ACBD3: variants seen among roughly 807,000 people sequenced by gnomAD.
ACBD3 encodes Golgi resident protein GCP60.
ACBD3 carries 30 observed loss-of-function variants against 66.9 expected under a neutral mutation model. The ratio of observed to expected loss-of-function variants is 0.45; its 90% CI spans 0.34 to 0.61. The LOEUF is 0.61. ACBD3 is among the 20% of genes least tolerant of loss of function. The pLI is 0.02. For synonymous variants in ACBD3, 278 were observed against 259.8 expected, an observed-to-expected ratio of 1.07 and a Z score of -0.68; for missense variants, 544 against 664.5, an observed-to-expected ratio of 0.82 and a Z score of 1.99.
chr1:226,151,803 C>T (rs1659577380), intron 7 of ACBD3, among the ~76,000 whole-genome samples: 1 of 151,934 alleles, frequency 6.6e-6, no homozygotes. Flanking sequence ...GTCAGGAGTT[C>T]GAGACCAGCC....
chr1:226,183,883 TAAA>T (rs56294022), intron 1 of ACBD3, among the ~76,000 whole-genome samples: 5 of 72,768 alleles, frequency 6.9e-5, no homozygotes, highest in Non-Finnish European at 7.6e-5. Flanking sequence ...AAACTCTGCC[TAAA>T]AAAAAAAAAA....
At position 226,145,206 on chromosome 1, in the gene ACBD3, T is replaced by C. The variant is rs1013057887; in HGVS notation, c.*1404A>G. ...AACCAAAAGAGAACAGAGTTAGATA[T>C]GTACAAAACCAGGTATTAAAAAACA... On this transcript the variant is annotated 3_prime_UTR_variant, in exon 8 of 8. Transcript: ENST00000366812. The C allele has an allele frequency of 6.6e-6, 1 of 152,324 alleles. No individual in the cohort carries two copies. The highest frequency in any genetic ancestry group is 1.5e-5 in the Non-Finnish European group (1 of 67,976). The allele number at this position is 152,324 out of a possible 1,614,324, so 9.4% of individuals were successfully genotyped here.
At position 226,154,711 on chromosome 1, in the gene ACBD3, A is replaced by C. The variant is rs1659639923; in HGVS notation, c.1026T>G (p.Thr342=). The C allele has an allele frequency of 1.9e-6, 3 of 1,613,606 alleles. No homozygotes were observed. In the Admixed American group the frequency reaches 5.0e-5, roughly 27 times the overall value. ...GTTCCAGTTCTTTTTCGGAGCTGTC[A>C]GTGTGTGTTTTGGCCTGTCCATTAA... ...MSVNGQAKTH[T]DSSEKELEPE... The change falls in exon 6 of 8, where the codon ACT becomes ACG. Residue 342 remains threonine, a synonymous_variant. Coordinates refer to ENST00000366812, the MANE Select transcript of ACBD3 (RefSeq NM_022735.4).
intron 5 of ACBD3, among the ~76,000 whole-genome samples, chr1:226,157,629 T>C (rs1659700759): frequency 6.6e-6 from 1 of 151,882 alleles, no homozygotes; most frequent in African/African-American, 2.4e-5. Flanking sequence ...AGCCTCAAAC[T>C]CCTGAGCTCG....
At chr1:226,152,914 A>G (rs990999772) in intron 6 of ACBD3, among the ~76,000 whole-genome samples, 1 of 152,226 alleles carries the variant, frequency 6.6e-6, no homozygotes, top group Non-Finnish European at 1.5e-5. Flanking sequence ...TTCAAGAATG[A>G]CCTTGGGAAG....
chr1:226,157,342 T>C (rs1450378832), intron 5 of ACBD3, among the ~76,000 whole-genome samples: 1 of 151,738 alleles, frequency 6.6e-6, no homozygotes, highest in Admixed American at 6.6e-5. Flanking sequence ...TGGGTTCAAG[T>C]GATTCTCCTG....
chr1:226,146,781 G>T lies in ACBD3; in HGVS notation c.1416C>A (p.Asn472Lys). 2 of 1,614,136 alleles carry T rather than the reference G, an allele frequency of 1.2e-6. No homozygotes were observed. Among genetic ancestry groups the T allele is most frequent in the South Asian group, 1.1e-5 (1 of 91,076 alleles). ...GCACAATCTCATCCAGCAAAGGCTT[G>T]TTGGCATTCTTTTTGGCTTTCTCTT... The part of the protein sequence containing the change: ...GCEEKAKKNA[N>K]KPLLDEIVPV... The change falls in exon 8 of 8, where the codon AAC becomes AAA. Residue 472 changes from asparagine (N) to lysine (K), a missense_variant. Around this residue, in one of 3 missense-constraint regions of ACBD3, gnomAD observed 383 missense variants for 462.4 expected, o/e 0.83. Coordinates refer to ENST00000366812, the MANE Select transcript of ACBD3 (RefSeq NM_022735.4).
At chr1:226,182,527 T>G (rs942410475) in intron 1 of ACBD3, among the ~76,000 whole-genome samples, 1 of 151,872 alleles carries the variant, frequency 6.6e-6, no homozygotes, top group African/African-American at 2.4e-5. Context: ...GGCAGGAGAA[T>G]CACATGAACC....
At chr1:226,172,977 C>T (rs935376526) in intron 1 of ACBD3, among the ~76,000 whole-genome samples, 1 of 151,500 alleles carries the variant, frequency 6.6e-6, no homozygotes, top group Non-Finnish European at 1.5e-5. Flanking sequence ...AACAAACAAA[C>T]AAACCCAGCT....
chr1:226,154,492 A>C, intron 6 of ACBD3, 155 bp downstream of exon 6: 3 of 808,470 alleles, frequency 3.7e-6, no homozygotes, highest in Non-Finnish European at 3.8e-6. Context: ...ATGAGTCACC[A>C]GAGCATTAGA....
chr1:226,186,480 C>T lies in ACBD3; in HGVS notation c.196G>A (p.Gly66Arg), dbSNP rs1206691632. 1 of 1,492,100 alleles carries T rather than the reference C, an allele frequency of 6.7e-7. No homozygotes were observed. Among genetic ancestry groups the T allele is most frequent in the Admixed American group, 2.3e-5 (1 of 44,148 alleles). The allele number at this position is 1,492,100 out of a possible 1,614,324, so 92.4% of individuals were successfully genotyped here. ...CGCCGCGCCTCCTCCGCCGCGCCCC[C>T]AGCCGCCGCCTCCCCGGGCTCGGGC... ...EQPEPGEAAA[G>R]GAAEEARRLE... The change falls in exon 1 of 8, where the codon GGG becomes AGG. Residue 66 changes from glycine to arginine, a missense_variant. Physicochemically the swap from Gly to Arg is moderately radical, Grantham distance 125. Transcript: ENST00000366812.
chr1:226,148,786 A>AGGTACTGTCCTACCTACC (rs1659506604), intron 7 of ACBD3, among the ~76,000 whole-genome samples: 1 of 152,230 alleles, frequency 6.6e-6, no homozygotes, highest in Non-Finnish European at 1.5e-5. Flanking sequence ...ACCATATGAA[A>AGGTACTGTCCTACCTACC]TACAAGACAC....
chr1:226,146,791 T>C lies in ACBD3; in HGVS notation c.1406A>G (p.Lys469Arg), dbSNP rs775039980. The change falls in exon 8 of 8, where the codon AAG becomes AGG. Residue 469 changes from lysine (K) to arginine (R), a missense_variant. By Grantham distance (26) the Lys-to-Arg change is conservative (BLOSUM62 2). This residue lies in a region of ACBD3 where 383 missense variants were observed against 462.4 expected (regional missense o/e 0.83). Transcript: ENST00000366812. ...ENIGCEEKAK[K>R]NANKPLLDEI... Reference sequence around the variant, plus strand: ...ATCCAGCAAAGGCTTGTTGGCATTCTTTTTGGCTTTCTCTTCACAACCGAT... The same window carrying C: ...ATCCAGCAAAGGCTTGTTGGCATTCCTTTTGGCTTTCTCTTCACAACCGAT... The C allele has an allele frequency of 6.2e-7, 1 of 1,614,140 alleles. No homozygotes were observed. The highest frequency in any genetic ancestry group is 8.5e-7 in the Non-Finnish European group (1 of 1,180,014).
rs1659838152 is a variant in ACBD3 at position 226,164,655 on chromosome 1, C to G, written c.569+134G>C. 4 of 1,076,090 alleles carry G rather than the reference C, an allele frequency of 3.7e-6. No homozygotes were observed. The East Asian group carries it at 1.1e-4, about 31-fold the overall frequency. 66.7% of individuals were successfully genotyped at this position (1,076,090 alleles called of 1,614,324 possible). A position where few individuals can be genotyped will look rare whatever the true frequency, so the allele number is the denominator to read the frequency against. On this transcript the variant is annotated intron_variant, in intron 3 of 7. Coordinates refer to ENST00000366812, the MANE Select transcript of ACBD3 (RefSeq NM_022735.4). ...ACCTGTTCACATCAGGAAGTTTGAA[C>G]AATTGCCACAAGAAATGGGGATCCA...
intron 1 of ACBD3, among the ~76,000 whole-genome samples, chr1:226,182,600 C>T (rs748203572): frequency 6.6e-6 from 1 of 151,986 alleles, no homozygotes; most frequent in Admixed American, 6.6e-5. Flanking sequence ...GGTGACATAG[C>T]AAGACTCCGT....
At position 226,164,837 on chromosome 1, in the gene ACBD3, G is replaced by A. The variant is rs1239921523; in HGVS notation, c.521C>T (p.Thr174Ile). 5.0e-6 allele frequency: 8 copies of A among 1,611,296 alleles called. No individual in the cohort carries two copies. Among genetic ancestry groups the A allele is most frequent in the Non-Finnish European group, 6.8e-6 (8 of 1,178,834 alleles). The change falls in exon 3 of 8, where the codon ACA (threonine) becomes ATA (isoleucine). Residue 174 changes from threonine to isoleucine, a missense_variant. Coordinates refer to ENST00000366812, the MANE Select transcript of ACBD3 (RefSeq NM_022735.4). The stretch of plus-strand genomic sequence containing the variant: ...CTCTATTTTGTGGGACGCAACATAT[G>A]TTGAAAAGAGATGGCAACACCTATT... The part of the protein sequence containing the change: ...LLNRCCHLFS[T>I]YVASHKIEKE...
intron 4 of ACBD3, among the ~76,000 whole-genome samples, chr1:226,160,093 TTC>T (rs1179482084): frequency 1.5e-4 from 22 of 144,126 alleles, no homozygotes; most frequent in African/African-American, 5.6e-4. Flanking sequence ...CACATGCTTC[TTC>T]TTTTTTTTTT....
intron 7 of ACBD3, chr1:226,147,935 GTTTT>G (rs904250446): frequency 6.6e-6 from 1 of 152,122 alleles, no homozygotes; most frequent in Non-Finnish European, 1.5e-5. Context: ...TATGGTTGTT[GTTTT>G]TGTTTGTTTG....
intron 1 of ACBD3, among the ~76,000 whole-genome samples, chr1:226,179,747 A>G (rs1422422408): frequency 6.6e-6 from 1 of 152,084 alleles, no homozygotes; most frequent in Non-Finnish European, 1.5e-5. Context: ...AATCCCAGCT[A>G]CTTGGGAGGC....
Sources: gnomAD v4.1 joint callset for allele counts (sites outside exome capture counted in the v4.1 genomes callset) on GRCh38, gnomAD v4.1.1 for gene constraint, gnomAD v4.1.1 regional missense constraint, MANE v1.5 for transcripts, NCBI Gene and HGNC (gene_info 2026-07-23, HGNC 2026-07-21) for gene names.